TRPM7: variants seen among roughly 807,000 people sequenced by gnomAD.
TRPM7 encodes transient receptor potential cation channel subfamily M member 7, also known as LTRPC ion channel family member 7.
In TRPM7, 134 loss-of-function variants were observed where a neutral mutation model predicts 229.7. The ratio of observed to expected loss-of-function variants is 0.58; its 90% CI spans 0.51 to 0.67. The LOEUF (loss-of-function observed/expected upper bound fraction) is 0.67. TRPM7 is among the 30% of genes least tolerant of loss of function. The pLI, the probability that TRPM7 is intolerant of heterozygous loss-of-function variation, is 0.00. For missense variants in TRPM7, 1,901 were observed against 2,210.0 expected (o/e 0.86, Z 2.80); for synonymous variants, 699 against 715.2 (o/e 0.98, Z 0.36).
intron 1 of TRPM7, among the ~76,000 whole-genome samples, chr15:50,679,749 G>A (rs1455060560): frequency 6.6e-6 from 1 of 150,562 alleles, no homozygotes; most frequent in African/African-American, 2.5e-5. Context: ...TGGCCAGGCT[G>A]GTCTCAAACT....
At chr15:50,615,363 T>C (rs996723269) in intron 13 of TRPM7, among the ~76,000 whole-genome samples, 2 of 152,238 alleles carry the variant, frequency 1.3e-5, no homozygotes, top group African/African-American at 4.8e-5. Context: ...GTTTTTATAG[T>C]GTTGTCCAGG....
chr15:50,574,543 A>G (rs2054044065), intron 35 of TRPM7, 64 bp from the exon 36 acceptor site: 3 of 1,553,316 alleles, frequency 1.9e-6, no homozygotes, highest in Non-Finnish European at 2.6e-6. Context: ...TTGATCTACA[A>G]AATGGATAAT....
chr15:50,610,657 C>T (rs369533469), intron 17 of TRPM7, among the ~76,000 whole-genome samples: 1 of 152,152 alleles, frequency 6.6e-6, no homozygotes, highest in East Asian at 1.9e-4. Flanking sequence ...AAAAACAGGC[C>T]ACATGGATAT....
At chr15:50,607,797 A>T (rs560766275) in intron 19 of TRPM7, among the ~76,000 whole-genome samples, 72 of 151,932 alleles carry the variant, frequency 4.7e-4, no homozygotes, top group Non-Finnish European at 8.8e-4. Context: ...CTGTAATCCC[A>T]GAACTTTGGG....
At position 50,655,264 on chromosome 15, in the gene TRPM7, T is replaced by C. The variant is rs150909594; in HGVS notation, c.122+2517A>G. On this transcript the variant is annotated intron_variant, in intron 3 of 38. Transcript: ENST00000646667. Reference sequence around the variant, plus strand: ...CCCTGACCATCAAGGTAAAATCCCATCTCTACTAATAATACAAAATGAGCC... The same window carrying C: ...CCCTGACCATCAAGGTAAAATCCCACCTCTACTAATAATACAAAATGAGCC... Among the ~76,000 whole-genome samples, 481 of 150,924 alleles carry C rather than the reference T, an allele frequency of 3.2e-3. 2 individuals are homozygous for C. Among genetic ancestry groups the C allele is most frequent in the African/African-American group, 0.011 (447 of 41,124 alleles).
At chr15:50,596,223 T>A in intron 23 of TRPM7, 32 bp downstream of exon 23, 7 of 1,401,048 alleles carry the variant, frequency 5.0e-6, no homozygotes, top group Non-Finnish European at 6.7e-6. Context: ...TATTAAATCA[T>A]CTTATAACAA....
chr15:50,602,033 G>A (rs2059794774), intron 21 of TRPM7, among the ~76,000 whole-genome samples: 1 of 151,024 alleles, frequency 6.6e-6, no homozygotes, highest in African/African-American at 2.4e-5. Context: ...CCATTACTGG[G>A]TATATACCCA....
intron 1 of TRPM7, among the ~76,000 whole-genome samples, chr15:50,679,511 A>AAT (rs138501624): frequency 2.4e-3 from 182 of 75,416 alleles, no homozygotes; most frequent in South Asian, 7.9e-3. Context: ...GTATATATAT[A>AAT]ATATATATAT....
At chr15:50,654,862 G>A (rs1780373150) in intron 3 of TRPM7, among the ~76,000 whole-genome samples, 1 of 149,974 alleles carries the variant, frequency 6.7e-6, no homozygotes, top group Non-Finnish European at 1.5e-5. Context: ...CTACCCGGGT[G>A]TGGCAGCAGG....
intron 3 of TRPM7, among the ~76,000 whole-genome samples, chr15:50,657,143 G>A (rs2061596024): frequency 6.6e-6 from 1 of 152,098 alleles, no homozygotes; most frequent in African/African-American, 2.4e-5. Context: ...GGCCAACATG[G>A]TGAAACCCCA....
chr15:50,684,107 T>C (rs904374311), intron 1 of TRPM7, among the ~76,000 whole-genome samples: 2 of 151,556 alleles, frequency 1.3e-5, no homozygotes, highest in Non-Finnish European at 1.5e-5. Flanking sequence ...GATCAGCCTG[T>C]CGCCGCCTCC....
At position 50,639,518 on chromosome 15, in the gene TRPM7, T is replaced by C. The variant is rs1321014600; in HGVS notation, c.566A>G (p.Lys189Arg). The C allele has an allele frequency of 2.5e-6, 4 of 1,611,522 alleles. 1 individual carries two copies. The South Asian group carries it at 4.4e-5, about 18-fold the overall frequency. Reference sequence around the variant, plus strand: ...TCGAGATGATCTGGAAGCATGTTCTTTGAGGGCATCTCCAACATGTTTTGC... The same window carrying C: ...TCGAGATGATCTGGAAGCATGTTCTCTGAGGGCATCTCCAACATGTTTTGC... ...GVAKHVGDALKEHASRSSRKI... is the reference protein window; with the variant it reads ...GVAKHVGDALREHASRSSRKI... The change falls in exon 6 of 39, where the codon AAA becomes AGA. Residue 189 changes from lysine to arginine, a missense_variant. Physicochemically the swap from Lys to Arg is conservative, Grantham distance 26 (BLOSUM62 2). This residue lies in a region of TRPM7 where 794 missense variants were observed against 881.9 expected (regional missense o/e 0.90). Coordinates refer to ENST00000646667, the MANE Select transcript of TRPM7 (RefSeq NM_017672.6).
intron 1 of TRPM7, among the ~76,000 whole-genome samples, chr15:50,681,184 G>A (rs942546967): frequency 9.9e-5 from 15 of 151,996 alleles, no homozygotes; most frequent in Non-Finnish European, 2.2e-4. Flanking sequence ...CCGGGAGGCA[G>A]AGGTTGCAGT....
At chr15:50,641,997 C>CAAAAAA (rs36020101) in intron 5 of TRPM7, among the ~76,000 whole-genome samples, 1 of 122,012 alleles carries the variant, frequency 8.2e-6, no homozygotes. Flanking sequence ...GACTCTGTCT[C>CAAAAAA]AAAAAAAAAA....
intron 13 of TRPM7, among the ~76,000 whole-genome samples, chr15:50,614,664 CAAAAAAAAAAAA>C (rs59336476): frequency 2.7e-3 from 250 of 92,632 alleles, no homozygotes; most frequent in African/African-American, 6.8e-3. Context: ...GACTTGGTCT[CAAAAAAAAAAAA>C]AAAAAAAAAA....
chr15:50,562,793 T>C (rs1248128952), intron 38 of TRPM7, among the ~76,000 whole-genome samples: 1 of 149,948 alleles, frequency 6.7e-6, no homozygotes, highest in Non-Finnish European at 1.5e-5. Context: ...AAAAAAGTGC[T>C]TTGAAGAGAA....
intron 3 of TRPM7, among the ~76,000 whole-genome samples, chr15:50,653,405 C>A (rs74843157): frequency 0.029 from 4,360 of 152,260 alleles, 92 homozygotes; most frequent in Middle Eastern, 0.099. Flanking sequence ...TAAATCTTAT[C>A]AAGAGTACCA....
chr15:50,575,822 TG>T, intron 32 of TRPM7, 33 bp from the exon 33 acceptor site: 1 of 1,612,648 alleles, frequency 6.2e-7, no homozygotes, highest in African/African-American at 1.3e-5. Flanking sequence ...TAATTAAATC[TG>T]TAAAGGTCCA....
chr15:50,570,103 C>A lies in TRPM7; in HGVS notation c.5360+1G>T. ...TTAATGAAATAGTTAAAACTTATTA[C>A]CTCTTTTCTTCTGCTTTTATCACAG... is the stretch of plus-strand genomic sequence containing the variant. On this transcript the variant is annotated splice_donor_variant, in intron 37 of 38. Transcript: ENST00000646667. LOFTEE classifies it high-confidence loss of function. 6.2e-7 allele frequency: 1 copy of A among 1,610,244 alleles called. No homozygotes were observed. The highest frequency in any genetic ancestry group is 8.5e-7 in the Non-Finnish European group (1 of 1,178,188).
Sources: gnomAD v4.1 joint callset for allele counts (sites outside exome capture counted in the v4.1 genomes callset) on GRCh38, gnomAD v4.1.1 for gene constraint, gnomAD v4.1.1 regional missense constraint, MANE v1.5 for transcripts, NCBI Gene and HGNC (gene_info 2026-07-23, HGNC 2026-07-21) for gene names.